FMNL2: variants seen among roughly 807,000 people sequenced by gnomAD.
FMNL2 encodes the protein formin like 2, also known as formin-like protein 2.
FMNL2 carries 51 observed loss-of-function variants against 130.2 expected under a neutral mutation model. The ratio of observed to expected loss-of-function variants is 0.39; its 90% CI spans 0.31 to 0.49. The LOEUF (loss-of-function observed/expected upper bound fraction) is 0.49, where lower values mean the gene tolerates loss of function less well. Ranked by LOEUF, FMNL2 falls within the 20% of genes least tolerant of loss-of-function variation. FMNL2 has a pLI of 0.85. For missense variants in FMNL2, 977 were observed against 1,316.2 expected (o/e 0.74, Z 3.99); for synonymous variants, 465 against 467.1 (o/e 1.00, Z 0.06).
intron 20 of FMNL2, 85 bp from the exon 21 acceptor site, chr2:152,631,923 T>C: frequency 6.9e-7 from 1 of 1,449,148 alleles, no homozygotes; most frequent in Non-Finnish European, 9.3e-7. Flanking sequence ...AGTTAATGAC[T>C]CTGGGTGGGA....
chr2:152,448,534 T>G (rs537579152), intron 1 of FMNL2, among the ~76,000 whole-genome samples: 22 of 152,330 alleles, frequency 1.4e-4, no homozygotes, highest in African/African-American at 4.8e-4. Context: ...CTTCTTTGAC[T>G]TGGAAAGACA....
intron 21 of FMNL2, among the ~76,000 whole-genome samples, chr2:152,632,716 A>C (rs1246070960): frequency 1.3e-5 from 2 of 152,228 alleles, no homozygotes; most frequent in African/African-American, 4.8e-5. Context: ...CCAAAGTCAC[A>C]TGAGTAGAAA....
rs535007364 is a variant in FMNL2 at position 152,356,724 on chromosome 2, T to A, written c.117+21004T>A. The stretch of plus-strand genomic sequence containing the variant: ...TTTGCTTTCTATTTAGTGCCACACT[T>A]TTTGCACTTTTGTGCTTTTTTTTTT... On this transcript the variant is annotated intron_variant, in intron 1 of 25. Transcript: ENST00000288670. Among the ~76,000 whole-genome samples the A allele has an allele frequency of 4.9e-5, 5 of 102,866 alleles. No homozygotes were observed. The South Asian group carries it at 1.6e-3, about 32-fold the overall frequency. 67.5% of individuals were successfully genotyped at this position (102,866 alleles called of 152,430 possible).
chr2:152,379,593 A>G (rs186552503), intron 1 of FMNL2, among the ~76,000 whole-genome samples: 1 of 152,130 alleles, frequency 6.6e-6, no homozygotes, highest in Non-Finnish European at 1.5e-5. Context: ...TAAGAGTGTT[A>G]TATATATCAT....
intron 6 of FMNL2, among the ~76,000 whole-genome samples, chr2:152,568,643 C>G (rs1463531194): frequency 2.6e-5 from 4 of 152,156 alleles, no homozygotes; most frequent in African/African-American, 9.7e-5. Context: ...AGGAAACTTA[C>G]AATCCTAGTG....
In FMNL2 at chr2:152,472,418, A is replaced by G. The variant is rs576093508; in HGVS notation, c.118-49525A>G. Among the ~76,000 whole-genome samples, 3 of 152,250 alleles carry G rather than the reference A, an allele frequency of 2.0e-5. No homozygotes were observed. In the South Asian group the frequency reaches 6.2e-4, roughly 32 times the overall value. ...GCTTCAAAAAAGATTTTTTTCTTTTAAAAGAACTCATTTTATTTACAAAGC... is the reference window on the plus strand; with the variant it reads ...GCTTCAAAAAAGATTTTTTTCTTTTGAAAGAACTCATTTTATTTACAAAGC... On this transcript the variant is annotated intron_variant, in intron 1 of 25. Transcript: ENST00000288670.
chr2:152,563,938 C>G (rs958835062), intron 6 of FMNL2, among the ~76,000 whole-genome samples: 1 of 152,096 alleles, frequency 6.6e-6, no homozygotes, highest in Non-Finnish European at 1.5e-5. Flanking sequence ...TCATAAGTCT[C>G]GGGTGAAAAC....
chr2:152,620,953 T>G (rs952763436), intron 15 of FMNL2: 2 of 985,422 alleles, frequency 2.0e-6, no homozygotes, highest in Non-Finnish European at 2.4e-6. Flanking sequence ...GTCTACCACT[T>G]TCTTCTAGAA....
rs1698917870 is a variant in FMNL2, at chr2:152,615,841, CAT to C, written c.1212+842_1212+843del. On this transcript the variant is annotated intron_variant, in intron 12 of 25. Transcript: ENST00000288670. ...TGAACAGTTCATTTATTTTTCTCCACATGTTTTTTAAAGAGTGCTGCATATGC... is the reference window on the plus strand; with the variant it reads ...TGAACAGTTCATTTATTTTTCTCCACGTTTTTTAAAGAGTGCTGCATATGC... Among the ~76,000 whole-genome samples, 5 of 152,258 alleles carry C rather than the reference CAT, an allele frequency of 3.3e-5. No individual in the cohort carries two copies. In the South Asian group the frequency reaches 8.3e-4, roughly 25 times the overall value.
intron 9 of FMNL2, among the ~76,000 whole-genome samples, chr2:152,590,643 T>C (rs1697380078): frequency 6.6e-6 from 1 of 151,868 alleles, no homozygotes; most frequent in Non-Finnish European, 1.5e-5. Flanking sequence ...GGTTCAACTA[T>C]AGCTGTTCAA....
intron 9 of FMNL2, among the ~76,000 whole-genome samples, chr2:152,582,147 A>G (rs1696823933): frequency 6.6e-6 from 1 of 152,248 alleles, no homozygotes; most frequent in African/African-American, 2.4e-5. Flanking sequence ...AGCCAGGAAC[A>G]GGACTTGGTG....
chr2:152,347,928 G>GA (rs1682219714), intron 1 of FMNL2, among the ~76,000 whole-genome samples: 1 of 148,170 alleles, frequency 6.7e-6, no homozygotes, highest in Non-Finnish European at 1.5e-5. Context: ...TAACTTGGAA[G>GA]TTTTTTTTTT....
intron 3 of FMNL2, among the ~76,000 whole-genome samples, chr2:152,547,762 G>C (rs575041157): frequency 6.6e-6 from 1 of 152,178 alleles, no homozygotes; most frequent in East Asian, 1.9e-4. Context: ...GGCAGCAGAG[G>C]AGAGAGGTCC....
chr2:152,347,418 A>G (rs1381194518), intron 1 of FMNL2, among the ~76,000 whole-genome samples: 1 of 152,162 alleles, frequency 6.6e-6, no homozygotes, highest in Non-Finnish European at 1.5e-5. Context: ...TGTTGCTTTT[A>G]GTTATATCAT....
chr2:152,647,719 G>A (rs761598316), intron 25 of FMNL2, 77 bp from the exon 26 acceptor site: 73 of 1,381,338 alleles, frequency 5.3e-5, no homozygotes, highest in Admixed American at 8.4e-5. Flanking sequence ...TTGATTGGCT[G>A]CCAGCTGGCC....
At chr2:152,580,859 G>A (rs1194657717) in intron 8 of FMNL2, 97 bp from the exon 9 acceptor site, 12 of 1,128,950 alleles carry the variant, frequency 1.1e-5, no homozygotes, top group South Asian at 1.0e-4. Flanking sequence ...AAATGTAAGG[G>A]CAAATGTTTT....
At chr2:152,383,394 A>G (rs1185789224) in intron 1 of FMNL2, among the ~76,000 whole-genome samples, 1 of 135,070 alleles carries the variant, frequency 7.4e-6, no homozygotes, top group Non-Finnish European at 1.6e-5. Context: ...TTAATTGTTT[A>G]TTGTAATGCT....
chr2:152,521,680 A>G (rs2105401502), intron 1 of FMNL2, among the ~76,000 whole-genome samples: 1 of 152,318 alleles, frequency 6.6e-6, no homozygotes, highest in Non-Finnish European at 1.5e-5. Flanking sequence ...ACAAGGCATC[A>G]CCTTTGCTAA....
At chr2:152,519,883 ATT>A (rs1692987672) in intron 1 of FMNL2, among the ~76,000 whole-genome samples, 1 of 152,176 alleles carries the variant, frequency 6.6e-6, no homozygotes, top group Non-Finnish European at 1.5e-5. Flanking sequence ...AACTCATTTA[ATT>A]TATAATCTTA....
Sources: gnomAD v4.1 joint callset for allele counts (sites outside exome capture counted in the v4.1 genomes callset) on GRCh38, gnomAD v4.1.1 for gene constraint, MANE v1.5 for transcripts, NCBI Gene and HGNC (gene_info 2026-07-23, HGNC 2026-07-21) for gene names.